AHCY: variants seen among roughly 807,000 people sequenced by gnomAD.
AHCY encodes adenosylhomocysteinase, also known as S-adenosyl-L-homocysteine hydrolase.
Under a neutral mutation model 45.4 loss-of-function variants are expected in AHCY, and 24 were observed. The observed-to-expected ratio is 0.53, with a 90% CI of 0.38 to 0.74. The LOEUF (loss-of-function observed/expected upper bound fraction) is 0.74, where lower values mean the gene tolerates loss of function less well. Ranked by LOEUF, AHCY falls within the 30% of genes least tolerant of loss-of-function variation. The pLI, the probability that AHCY is intolerant of heterozygous loss-of-function variation, is 0.00. For synonymous variants in AHCY, 245 were observed against 235.1 expected (o/e 1.04, Z -0.39); for missense variants, 449 against 594.1 (o/e 0.76, Z 2.54).
At chr20:34,301,050 G>A (rs961978433) in intron 1 of AHCY, among the ~76,000 whole-genome samples, 1 of 152,148 alleles carries the variant, frequency 6.6e-6, no homozygotes, top group Non-Finnish European at 1.5e-5. Context: ...GGGCTGGCAC[G>A]TGACAAGGGT....
At chr20:34,234,502 CTCCTTCCTTCCT>C in the AHCY span, among the ~76,000 whole-genome samples, 1 of 151,088 alleles carries the variant, frequency 6.6e-6, no homozygotes, top group Admixed American at 6.6e-5. Flanking sequence ...CTTTTCTTTT[CTCCTTCCTTCCT>C]TCCTTCCTTC....
chr20:34,252,345 GAGA>G, the AHCY span, among the ~76,000 whole-genome samples: 1 of 152,170 alleles, frequency 6.6e-6, no homozygotes, highest in Non-Finnish European at 1.5e-5. Context: ...AACAGGTGGG[GAGA>G]AGGTCAGCAG....
the AHCY span, among the ~76,000 whole-genome samples, chr20:34,258,900 G>GTA: frequency 1.6e-4 from 21 of 129,530 alleles, no homozygotes; most frequent in East Asian, 1.5e-3. Flanking sequence ...TATATATAGT[G>GTA]TATATATATA....
intron 9 of AHCY, among the ~76,000 whole-genome samples, chr20:34,281,968 C>T (rs918116645): frequency 6.6e-6 from 1 of 152,180 alleles, no homozygotes; most frequent in African/African-American, 2.4e-5. Context: ...GGATTACAGG[C>T]GTGAGCCACC....
chr20:34,254,479 T>G, the AHCY span, among the ~76,000 whole-genome samples: 1 of 152,176 alleles, frequency 6.6e-6, no homozygotes, highest in African/African-American at 2.4e-5. Context: ...CCCAACACCC[T>G]GAAAAGTATA....
chr20:34,246,266 T>G, the AHCY span: 1 of 1,551,216 alleles, frequency 6.4e-7, no homozygotes, highest in Non-Finnish European at 8.7e-7. Flanking sequence ...CTGTTTTTTC[T>G]TCTCCTCTTC....
At chr20:34,309,238 G>A (rs928105696) in intron 1 of AHCY, among the ~76,000 whole-genome samples, 1 of 152,268 alleles carries the variant, frequency 6.6e-6, no homozygotes, top group South Asian at 2.1e-4. Flanking sequence ...GAGATTACAG[G>A]CGTGAGCCAC....
intron 1 of AHCY, among the ~76,000 whole-genome samples, chr20:34,301,534 C>T (rs1036192583): frequency 6.6e-6 from 1 of 152,200 alleles, no homozygotes; most frequent in Non-Finnish European, 1.5e-5. Context: ...GGATAATCAT[C>T]CCTAGCTTGC....
chr20:34,261,865 C>A, the AHCY span, among the ~76,000 whole-genome samples: 2 of 152,078 alleles, frequency 1.3e-5, no homozygotes, highest in African/African-American at 2.4e-5. Flanking sequence ...CTAATCCCAG[C>A]GCTTTGGGAG....
In AHCY at chr20:34,303,278, G is replaced by A. The variant is rs2036845258; in HGVS notation, c.-8C>T. ...GGGCAGTTTGTCAGACATGCTGGCG[G>A]CACTCGTGATGGAAACGGGCGAAGG... On this transcript the variant is annotated 5_prime_UTR_variant, in exon 1 of 10. Transcript: ENST00000217426. 2 of 1,551,774 alleles carry A rather than the reference G, an allele frequency of 1.3e-6. No individual in the cohort carries two copies. The highest frequency in any genetic ancestry group is 2.4e-5 in the East Asian group (1 of 40,914).
chr20:34,273,222 CTTT>C, the AHCY span, among the ~76,000 whole-genome samples: 7 of 141,352 alleles, frequency 5.0e-5, no homozygotes, highest in African/African-American at 7.8e-5. Context: ...TGTGGTGACC[CTTT>C]TTTTTTTTTT....
At position 34,290,205 on chromosome 20, in the gene AHCY, T is replaced by A. The variant is rs1471140933; in HGVS notation, c.972+127A>T. On this transcript the variant is annotated intron_variant, in intron 8 of 9. Coordinates refer to ENST00000217426, the MANE Select transcript of AHCY (RefSeq NM_000687.4). The surrounding 1 kb of genome is among the most constrained non-coding windows in gnomAD (Gnocchi z 4.5). Reference sequence around the variant, plus strand: ...GGTTGCCACGTCTGGCTGGCTCTGATGCTAGGCCCTCTTCTCCCCATCCCC... The same window carrying A: ...GGTTGCCACGTCTGGCTGGCTCTGAAGCTAGGCCCTCTTCTCCCCATCCCC... 4.3e-6 allele frequency: 4 copies of A among 940,316 alleles called. No homozygotes were observed. Among genetic ancestry groups the A allele is most frequent in the African/African-American group, 3.2e-5 (2 of 62,242 alleles). 58.2% of individuals were successfully genotyped at this position (940,316 alleles called of 1,614,324 possible).
intron 9 of AHCY, among the ~76,000 whole-genome samples, chr20:34,284,837 C>A (rs911225486): frequency 1.8e-4 from 27 of 152,054 alleles, no homozygotes; most frequent in Middle Eastern, 3.2e-3. Context: ...AAATCAAAAT[C>A]AAAATAAAAT....
the AHCY span, chr20:34,260,464 C>A: frequency 3.7e-6 from 6 of 1,614,014 alleles, no homozygotes; most frequent in Non-Finnish European, 5.1e-6. Context: ...AGGAGAAGCT[C>A]CGAGATGACA....
chr20:34,251,936 G>A, the AHCY span, among the ~76,000 whole-genome samples: 236 of 152,246 alleles, frequency 1.6e-3, 1 homozygote, highest in African/African-American at 5.1e-3. Flanking sequence ...ATAAATTTCC[G>A]TTGTTTAGAA....
chr20:34,290,817 C>A lies in AHCY; in HGVS notation c.680G>T (p.Gly227Val). ...VVAGYGDVGK[G>V]CAQALRGFGA... ...GAAACCCCGCAGGGCCTGGGCACAG[C>A]CCTTGCCCACATCACCATAGCCTGC... The change falls in exon 6 of 10, where the codon GGC (glycine) becomes GTC (valine). Residue 227 changes from glycine to valine, a missense_variant. Physicochemically the swap from Gly to Val is moderately radical, Grantham distance 109 (BLOSUM62 -3). Transcript: ENST00000217426. The surrounding 1 kb of genome is among the most constrained non-coding windows in gnomAD (Gnocchi z 4.5). The A allele has an allele frequency of 6.2e-7, 1 of 1,614,206 alleles. No homozygotes were observed. The highest frequency in any genetic ancestry group is 2.2e-5 in the East Asian group (1 of 44,890).
chr20:34,303,592 C>G (rs1467536801), upstream of AHCY, among the ~76,000 whole-genome samples: 1 of 152,260 alleles, frequency 6.6e-6, no homozygotes, highest in Non-Finnish European at 1.5e-5. Flanking sequence ...CCAGTTGATT[C>G]AGTGTCAAAA....
At position 34,294,243 on chromosome 20, in the gene AHCY, G is replaced by T. The variant is rs1464602119; in HGVS notation, c.220-87C>A. Reference sequence around the variant, plus strand: ...GGGCGAGGAAAAGGGAGAGCTTCGGGTAGTGGGGAGAGGCTTGGGATCTAG... The same window carrying T: ...GGGCGAGGAAAAGGGAGAGCTTCGGTTAGTGGGGAGAGGCTTGGGATCTAG... On this transcript the variant is annotated intron_variant, in intron 2 of 9. Coordinates refer to ENST00000217426, the MANE Select transcript of AHCY (RefSeq NM_000687.4). 4.9e-6 allele frequency: 6 copies of T among 1,215,984 alleles called. No individual in the cohort carries two copies. In the African/African-American group the frequency reaches 8.9e-5, roughly 18 times the overall value. The allele number at this position is 1,215,984 out of a possible 1,614,324, so 75.3% of individuals were successfully genotyped here. A position where few individuals can be genotyped will look rare whatever the true frequency, so the allele number is the denominator to read the frequency against.
At chr20:34,298,419 T>C (rs73610833) in intron 1 of AHCY, among the ~76,000 whole-genome samples, 2 of 151,736 alleles carry the variant, frequency 1.3e-5, no homozygotes, top group Admixed American at 1.3e-4. Context: ...CATAGTGAGG[T>C]GTGACCAGAA....
Sources: allele counts gnomAD v4.1 joint callset (sites outside exome capture counted in the v4.1 genomes callset), GRCh38; gene constraint gnomAD v4.1.1; non-coding constraint Gnocchi (gnomAD v3.1); transcripts MANE v1.5; gene names NCBI Gene and HGNC (gene_info 2026-07-23, HGNC 2026-07-21).